The following GABRR1 variants were observed in gnomAD, a reference collection of about 807,000 sequenced individuals.
The protein encoded by GABRR1 is gamma-aminobutyric acid type A receptor subunit rho1, also known as gamma-aminobutyric acid receptor subunit rho-1.
In GABRR1, 59 loss-of-function variants were observed where a neutral mutation model predicts 55.5. The observed-to-expected ratio is 1.06, with a 90% CI of 0.86 to 1.32. The LOEUF (loss-of-function observed/expected upper bound fraction) is 1.32. Among genes scored for constraint, GABRR1 ranks in the 40% most tolerant of loss-of-function variants. GABRR1 has a pLI of 0.00. For missense variants in GABRR1, 602 were observed against 619.1 expected (o/e 0.97, Z 0.29); for synonymous variants, 213 against 226.0 (o/e 0.94, Z 0.51).
At chr6:89,183,480 G>A (rs905985881) in intron 7 of GABRR1, among the ~76,000 whole-genome samples, 3 of 132,572 alleles carry the variant, frequency 2.3e-5, no homozygotes, top group Non-Finnish European at 3.3e-5. Context: ...GTGCTTCCCT[G>A]TGCAGTCAAT....
chr6:89,218,753 C>T (rs1340140946), upstream of GABRR1, among the ~76,000 whole-genome samples: 3 of 152,184 alleles, frequency 2.0e-5, no homozygotes, highest in South Asian at 2.1e-4. Context: ...GCTGTACTTA[C>T]GGAACCAATG....
upstream of GABRR1, among the ~76,000 whole-genome samples, chr6:89,218,412 A>T (rs879516989): frequency 1.8e-3 from 268 of 152,350 alleles, 1 homozygote; most frequent in Non-Finnish European, 3.4e-3. Context: ...CCAGATCGTA[A>T]GAAGCCTTTT....
intron 1 of GABRR1, among the ~76,000 whole-genome samples, chr6:89,224,753 G>A (rs998549498): frequency 2.6e-5 from 4 of 151,704 alleles, no homozygotes; most frequent in African/African-American, 4.9e-5. Flanking sequence ...AAGCCAATAT[G>A]TAGAAGAGTT....
chr6:89,203,873 G>A (rs560532283), intron 1 of GABRR1, among the ~76,000 whole-genome samples: 12 of 152,198 alleles, frequency 7.9e-5, no homozygotes, highest in Non-Finnish European at 1.6e-4. Flanking sequence ...CATCACTTGA[G>A]CATCCTCGTT....
chr6:89,228,619 G>A (rs1449051252), intron 1 of GABRR1, among the ~76,000 whole-genome samples: 2 of 114,618 alleles, frequency 1.7e-5, no homozygotes, highest in Non-Finnish European at 3.5e-5. Flanking sequence ...ATTGCACTGT[G>A]GTCTGAGAGA....
chr6:89,180,542 G>A, intron 8 of GABRR1, 54 bp from the exon 9 acceptor site: 19 of 1,589,694 alleles, frequency 1.2e-5, no homozygotes, highest in Non-Finnish European at 1.5e-5. Flanking sequence ...CCAAACACAG[G>A]ATGGTTTCAT....
At chr6:89,221,092 T>A (rs1247089738), upstream of GABRR1, among the ~76,000 whole-genome samples, 3 of 152,254 alleles carry the variant, frequency 2.0e-5, no homozygotes, top group Non-Finnish European at 4.4e-5. Context: ...CTTCTCACTC[T>A]CCTTTTTATT....
At chr6:89,215,031 T>C (rs866507180) in intron 1 of GABRR1, among the ~76,000 whole-genome samples, 3 of 152,182 alleles carry the variant, frequency 2.0e-5, no homozygotes, top group Non-Finnish European at 1.5e-5. Context: ...ATTAAAAAGA[T>C]GAACAAGTAC....
chr6:89,212,509 T>G (rs1207463584), intron 1 of GABRR1, among the ~76,000 whole-genome samples: 1 of 152,232 alleles, frequency 6.6e-6, no homozygotes, highest in Admixed American at 6.5e-5. Context: ...CGACAAAGAA[T>G]GCATGATAAT....
intron 3 of GABRR1, among the ~76,000 whole-genome samples, chr6:89,200,454 A>G (rs1772432062): frequency 6.6e-6 from 1 of 151,812 alleles, no homozygotes; most frequent in Non-Finnish European, 1.5e-5. Flanking sequence ...TTACCATGTT[A>G]CCCAGGCTGG....
chr6:89,206,785 T>TA (rs3047113), intron 1 of GABRR1, among the ~76,000 whole-genome samples: 103,639 of 149,448 alleles, frequency 0.69, 36,346 homozygotes, highest in African/African-American at 0.77. Flanking sequence ...CCAGCTAATT[T>TA]AAAAAAAAAA....
intron 5 of GABRR1, among the ~76,000 whole-genome samples, chr6:89,191,294 G>A (rs1772077408): frequency 6.6e-6 from 1 of 152,190 alleles, no homozygotes; most frequent in South Asian, 2.1e-4. Flanking sequence ...TGCAGAGGTC[G>A]AGGTGGGGGT....
chr6:89,190,094 G>T, intron 6 of GABRR1, 71 bp downstream of exon 6: 1 of 1,055,262 alleles, frequency 9.5e-7, no homozygotes, highest in Non-Finnish European at 1.4e-6. Context: ...CACTGTTCCT[G>T]CAGCTGAGAG....
chr6:89,189,567 T>G (rs960307784), intron 6 of GABRR1, among the ~76,000 whole-genome samples: 1 of 138,790 alleles, frequency 7.2e-6, no homozygotes, highest in Non-Finnish European at 1.6e-5. Flanking sequence ...TGCTAGATGA[T>G]GAGTTAGTGG....
chr6:89,185,364 A>C lies in GABRR1; in HGVS notation c.742T>G (p.Phe248Val). Residue 248 changes from phenylalanine (F) to valine (V), a missense_variant, in exon 7 of 10, where the codon TTC (phenylalanine) becomes GTC (valine). By Grantham distance (50) the Phe-to-Val change is conservative. Around this residue, in one of 3 missense-constraint regions of GABRR1, gnomAD observed 435 missense variants for 424.2 expected, o/e 1.03. Coordinates refer to ENST00000454853, the MANE Select transcript of GABRR1 (RefSeq NM_002042.5). The part of the protein sequence containing the change: ...KTDERISLSQ[F>V]LIQEFHTTTK... ...GTGGTGTGGAATTCCTGAATGAGGA[A>C]CTGGGAGAGTGAGATCCGTTCATCT... 6.2e-7 allele frequency: 1 copy of C among 1,613,940 alleles called. No individual in the cohort carries two copies. The highest frequency in any genetic ancestry group is 8.5e-7 in the Non-Finnish European group (1 of 1,179,846).
intron 2 of GABRR1, among the ~76,000 whole-genome samples, chr6:89,202,824 C>T (rs1306514010): frequency 2.0e-5 from 3 of 152,004 alleles, no homozygotes. Flanking sequence ...AGTGATCCTC[C>T]CATCTCAACC....
At chr6:89,203,313 C>T (rs1772537194) in intron 2 of GABRR1, 122 bp downstream of exon 2, 2 of 913,508 alleles carry the variant, frequency 2.2e-6, no homozygotes, top group Admixed American at 1.8e-5. Flanking sequence ...TCCTCTGGTC[C>T]CCCACCCTCC....
intron 2 of GABRR1, 64 bp from the exon 3 acceptor site, chr6:89,201,329 G>T: frequency 1.8e-6 from 2 of 1,113,566 alleles, no homozygotes; most frequent in Non-Finnish European, 2.7e-6. Context: ...ACAGTAACTT[G>T]CATTCTGACT....
intron 7 of GABRR1, among the ~76,000 whole-genome samples, chr6:89,184,426 C>A (rs1280873314): frequency 6.6e-6 from 1 of 151,790 alleles, no homozygotes. Context: ...CCGCAGGCAA[C>A]AGGAGGGGGT....
Sources: allele counts gnomAD v4.1 joint callset (sites outside exome capture counted in the v4.1 genomes callset), GRCh38; gene constraint gnomAD v4.1.1; regional missense constraint gnomAD v4.1.1; transcripts MANE v1.5; gene names NCBI Gene and HGNC (gene_info 2026-07-23, HGNC 2026-07-21).